Variants in FAM133B observed in about 807,000 individuals in gnomAD.
The protein encoded by FAM133B is protein FAM133B.
A neutral mutation model predicts 46.4 loss-of-function variants in FAM133B; 25 were observed. That is an observed-to-expected ratio of 0.54 (90% CI 0.39 to 0.75). The LOEUF is 0.75. Ranked by LOEUF, FAM133B falls within the 30% of genes least tolerant of loss-of-function variation. The pLI is 0.00. For synonymous variants in FAM133B, 75 were observed against 86.0 expected (o/e 0.87, Z 0.71); for missense variants, 205 against 277.6 (o/e 0.74, Z 1.86).
chr7:92,590,211 C>T, intron 1 of FAM133B, 57 bp downstream of exon 1: 8 of 1,613,072 alleles, frequency 5.0e-6, no homozygotes, highest in South Asian at 1.1e-5. Flanking sequence ...CGAGGGTTCT[C>T]GCTGTCCTGC....
At position 92,562,551 on chromosome 7, in the gene FAM133B, G is replaced by GA. The variant is rs1226958992; in HGVS notation, c.658-184dup. 3.9e-5 allele frequency among the ~76,000 whole-genome samples: 6 copies of GA among 152,154 alleles called. No individual in the cohort carries two copies. In the East Asian group the frequency reaches 1.2e-3, roughly 29 times the overall value. On this transcript the variant is annotated intron_variant, in intron 10 of 10. Coordinates refer to ENST00000445716, the MANE Select transcript of FAM133B (RefSeq NM_152789.4). The stretch of plus-strand genomic sequence containing the variant: ...TATGAGGACTAAAACAGTTCTTGTC[G>GA]ATTTTCAAAAAGATAGGGAGAAACT...
At chr7:92,570,466 TTAAA>T (rs1405405236) in intron 8 of FAM133B, among the ~76,000 whole-genome samples, 1 of 152,086 alleles carries the variant, frequency 6.6e-6, no homozygotes, top group Non-Finnish European at 1.5e-5. Context: ...ACTTAGGGGC[TTAAA>T]TATATATTTG....
chr7:92,574,702 G>C (rs978659879), intron 8 of FAM133B, among the ~76,000 whole-genome samples: 4 of 150,004 alleles, frequency 2.7e-5, no homozygotes, highest in Non-Finnish European at 5.9e-5. Context: ...TCAGGAGATC[G>C]AGACCATCCT....
chr7:92,577,826 C>T (rs1585308820), intron 5 of FAM133B, 109 bp from the exon 6 acceptor site: 1 of 847,858 alleles, frequency 1.2e-6, no homozygotes, highest in Non-Finnish European at 1.8e-6. Context: ...GAAACAGATG[C>T]CATATTCATA....
At chr7:92,581,687 T>C in intron 1 of FAM133B, 84 bp from the exon 2 acceptor site, 1 of 1,003,104 alleles carries the variant, frequency 1.0e-6, no homozygotes, top group South Asian at 1.3e-5. Context: ...ATCTTTACTA[T>C]AAATGCATAA....
chr7:92,584,429 C>CA (rs1489922961), intron 1 of FAM133B, among the ~76,000 whole-genome samples: 1 of 152,160 alleles, frequency 6.6e-6, no homozygotes, highest in Non-Finnish European at 1.5e-5. Flanking sequence ...ATTTCTCTGT[C>CA]AGAGTAAACA....
At chr7:92,582,099 A>C (rs1333506166) in intron 1 of FAM133B, among the ~76,000 whole-genome samples, 2 of 152,054 alleles carry the variant, frequency 1.3e-5, no homozygotes, top group Non-Finnish European at 2.9e-5. Context: ...AAATACAAAA[A>C]TTAGTCAGGT....
At chr7:92,589,992 C>G (rs1371730412) in intron 1 of FAM133B, 1 of 536,790 alleles carries the variant, frequency 1.9e-6, no homozygotes, top group South Asian at 2.3e-5. Context: ...ACTGGGGGCC[C>G]GCGTACAGCA....
chr7:92,572,289 T>C (rs1794555288), intron 8 of FAM133B, among the ~76,000 whole-genome samples: 1 of 152,244 alleles, frequency 6.6e-6, no homozygotes, highest in African/African-American at 2.4e-5. Context: ...TTGACAAGTA[T>C]GTGAAACAAG....
In FAM133B at chr7:92,586,282, T is replaced by C. The variant is rs1406934829; in HGVS notation, c.24+3986A>G. ...TTTCAATTATAATAGCAATATTTTTTAAAGTGCATCTTATGTTCTAGGCTC... is the reference window on the plus strand; with the variant it reads ...TTTCAATTATAATAGCAATATTTTTCAAAGTGCATCTTATGTTCTAGGCTC... On this transcript the variant is annotated intron_variant, in intron 1 of 10. Coordinates refer to ENST00000445716, the MANE Select transcript of FAM133B (RefSeq NM_152789.4). Among the ~76,000 whole-genome samples, 6 of 152,366 alleles carry C rather than the reference T, an allele frequency of 3.9e-5. No individual in the cohort carries two copies. The Middle Eastern group carries it at 0.017, about 432-fold the overall frequency.
intron 1 of FAM133B, among the ~76,000 whole-genome samples, chr7:92,586,794 T>C (rs1795048742): frequency 6.6e-6 from 1 of 152,220 alleles, no homozygotes; most frequent in African/African-American, 2.4e-5. Flanking sequence ...ATCTAGAGGA[T>C]ACATCTATTT....
At chr7:92,577,856 T>A in intron 5 of FAM133B, 139 bp from the exon 6 acceptor site, 1 of 740,454 alleles carries the variant, frequency 1.4e-6, no homozygotes, top group East Asian at 2.7e-5. Context: ...TATGAAAATA[T>A]AAAATGTCAC....
chr7:92,588,942 G>A (rs1396392627), intron 1 of FAM133B, among the ~76,000 whole-genome samples: 1 of 152,146 alleles, frequency 6.6e-6, no homozygotes. Context: ...ACAGCCCATA[G>A]AACCGTGAGC....
At chr7:92,584,737 CAATG>C (rs1794991623) in intron 1 of FAM133B, among the ~76,000 whole-genome samples, 1 of 152,194 alleles carries the variant, frequency 6.6e-6, no homozygotes, top group Non-Finnish European at 1.5e-5. Context: ...GTATGACAAA[CAATG>C]AAGGCAGAAA....
In FAM133B at chr7:92,575,755, G is replaced by A; in HGVS notation, c.516+16C>T. On this transcript the variant is annotated intron_variant, in intron 8 of 10. Transcript: ENST00000445716. ...ATATGACAGACTATCTTAAGGCAAT[G>A]TAAAAGTATAGTTACCTTTTCTTTC... The A allele has an allele frequency of 1.5e-6, 2 of 1,325,496 alleles. No homozygotes were observed. The highest frequency in any genetic ancestry group is 2.2e-6 in the Non-Finnish European group (2 of 929,742). 82.1% of individuals were successfully genotyped at this position (1,325,496 alleles called of 1,614,324 possible). A position where few individuals can be genotyped will look rare whatever the true frequency, so the allele number is the denominator to read the frequency against.
chr7:92,590,124 G>T lies in FAM133B; in HGVS notation c.24+144C>A. 4.1e-6 allele frequency: 5 copies of T among 1,222,300 alleles called. No individual in the cohort carries two copies. In the South Asian group the frequency reaches 5.5e-5, roughly 13 times the overall value. The allele number at this position is 1,222,300 out of a possible 1,614,324, so 75.7% of individuals were successfully genotyped here. A position where few individuals can be genotyped will look rare whatever the true frequency, so the allele number is the denominator to read the frequency against. ...TGCGTGCGCGGCGCACGCGCATCTGGGATCGGCGGAGGGTGCTGGGTCTCC... is the reference window on the plus strand; with the variant it reads ...TGCGTGCGCGGCGCACGCGCATCTGTGATCGGCGGAGGGTGCTGGGTCTCC... On this transcript the variant is annotated intron_variant, in intron 1 of 10. Transcript: ENST00000445716.
At chr7:92,583,708 A>G (rs1046584124) in intron 1 of FAM133B, among the ~76,000 whole-genome samples, 2 of 152,142 alleles carry the variant, frequency 1.3e-5, no homozygotes, top group African/African-American at 2.4e-5. Context: ...TAGTTTTTCC[A>G]AATTTAAGTC....
intron 9 of FAM133B, among the ~76,000 whole-genome samples, chr7:92,566,421 C>T (rs914683718): frequency 3.6e-4 from 54 of 151,210 alleles, no homozygotes; most frequent in Admixed American, 2.6e-4. Flanking sequence ...CCCAGGAGTT[C>T]AAGGCCAGCC....
intron 8 of FAM133B, among the ~76,000 whole-genome samples, chr7:92,574,676 C>T (rs1255559908): frequency 1.9e-4 from 29 of 151,750 alleles, no homozygotes; most frequent in East Asian, 5.8e-4. Flanking sequence ...GAGGCCGAGG[C>T]GGGTGGATCA....
Sources: allele counts gnomAD v4.1 joint callset (sites outside exome capture counted in the v4.1 genomes callset), GRCh38; gene constraint gnomAD v4.1.1; transcripts MANE v1.5; gene names NCBI Gene and HGNC (gene_info 2026-07-23, HGNC 2026-07-21).